PTPRC: variants seen among roughly 807,000 people sequenced by gnomAD.
The protein encoded by PTPRC is protein tyrosine phosphatase receptor type C.
A neutral mutation model predicts 155.9 loss-of-function variants in PTPRC; 44 were observed. The observed-to-expected ratio is 0.28, with a 90% CI of 0.22 to 0.36. PTPRC has a LOEUF of 0.36. PTPRC is among the 10% of genes least tolerant of loss of function. PTPRC has a pLI of 1.00. For synonymous variants in PTPRC, 525 were observed against 533.1 expected (o/e 0.98, Z 0.21); for missense variants, 1,401 against 1,564.6 (o/e 0.90, Z 1.76).
intron 3 of PTPRC, chr1:198,695,147 T>C: frequency 3.4e-6 from 3 of 886,754 alleles, no homozygotes; most frequent in Non-Finnish European, 4.1e-6. Context: ...TTGATACTAA[T>C]GAATAAAGCT....
In PTPRC at chr1:198,718,111, A is replaced by C; in HGVS notation, c.1468A>C (p.Asn490His). ...TKSAPPSQVW[N>H]MTVSMTSDNS... Reference sequence around the variant, plus strand: ...TTTGATAGCTCCAAGCCAGGTCTGGAACATGACTGTCTCCATGACATCAGA... The same window carrying C: ...TTTGATAGCTCCAAGCCAGGTCTGGCACATGACTGTCTCCATGACATCAGA... The change falls in exon 14 of 33, where the codon AAC becomes CAC. Residue 490 changes from asparagine to histidine, a missense_variant. Transcript: ENST00000442510. 6.2e-7 allele frequency: 1 copy of C among 1,613,416 alleles called. No individual in the cohort carries two copies. The highest frequency in any genetic ancestry group is 8.5e-7 in the Non-Finnish European group (1 of 1,179,306).
At chr1:198,682,010 T>C (rs1373921317) in intron 2 of PTPRC, among the ~76,000 whole-genome samples, 1 of 152,204 alleles carries the variant, frequency 6.6e-6, no homozygotes, top group Non-Finnish European at 1.5e-5. Flanking sequence ...CCGCATGAGC[T>C]GCGCCTCTTC....
In PTPRC at chr1:198,703,501, G is replaced by C. The variant is rs1666565717; in HGVS notation, c.658+129G>C. 3.5e-6 allele frequency: 5 copies of C among 1,439,122 alleles called. No individual in the cohort carries two copies. In the Admixed American group the frequency reaches 8.8e-5, roughly 25 times the overall value. 89.1% of individuals were successfully genotyped at this position (1,439,122 alleles called of 1,614,324 possible). On this transcript the variant is annotated intron_variant, in intron 7 of 32. Coordinates refer to ENST00000442510, the MANE Select transcript of PTPRC (RefSeq NM_002838.5). ...TTGCATTAAGTGTTTGAATCCTGAG[G>C]GTGATGGAACAGCAGGAAGATATTT...
At chr1:198,729,469 C>T (rs927146826) in intron 17 of PTPRC, among the ~76,000 whole-genome samples, 1 of 152,152 alleles carries the variant, frequency 6.6e-6, no homozygotes, top group Admixed American at 6.5e-5. Context: ...TCTTGAACTG[C>T]TGGTCTCAAG....
intron 28 of PTPRC, chr1:198,750,289 A>G (rs972046793): frequency 1.7e-6 from 1 of 600,416 alleles, no homozygotes; most frequent in African/African-American, 1.9e-5. Flanking sequence ...TTGATTTCAC[A>G]TTATTAGCTA....
chr1:198,700,386 T>C (rs1666406370), intron 5 of PTPRC, among the ~76,000 whole-genome samples: 1 of 152,222 alleles, frequency 6.6e-6, no homozygotes, highest in South Asian at 2.1e-4. Context: ...AAGTTAAAGA[T>C]ATAAATGGTA....
At chr1:198,717,924 A>G (rs1241075353) in intron 13 of PTPRC, among the ~76,000 whole-genome samples, 170 bp from the exon 14 acceptor site, 1 of 152,188 alleles carries the variant, frequency 6.6e-6, no homozygotes, top group African/African-American at 2.4e-5. Flanking sequence ...TGAGTGATTT[A>G]TTCTTCAGGG....
At chr1:198,677,299 GT>G (rs1296262148) in intron 2 of PTPRC, among the ~76,000 whole-genome samples, 1 of 152,148 alleles carries the variant, frequency 6.6e-6, no homozygotes, top group Non-Finnish European at 1.5e-5. Context: ...TGGGGATAAT[GT>G]TAAAACTTCT....
chr1:198,709,557 T>C, intron 10 of PTPRC, 130 bp from the exon 11 acceptor site: 1 of 804,478 alleles, frequency 1.2e-6, no homozygotes, highest in East Asian at 3.6e-5. Context: ...TTTTTATTAT[T>C]TTGGTAATTT....
chr1:198,729,545 A>C (rs902777288), intron 17 of PTPRC, among the ~76,000 whole-genome samples: 1 of 152,102 alleles, frequency 6.6e-6, no homozygotes, highest in Admixed American at 6.6e-5. Flanking sequence ...GCCCGTCCCC[A>C]TTCATTTTAA....
In PTPRC at chr1:198,718,136, A is replaced by T; in HGVS notation, c.1493A>T (p.Asp498Val). The change falls in exon 14 of 33, where the codon GAT (aspartate) becomes GTT (valine). Residue 498 changes from aspartate (D) to valine (V), a missense_variant. Coordinates refer to ENST00000442510, the MANE Select transcript of PTPRC (RefSeq NM_002838.5). ...AACATGACTGTCTCCATGACATCAG[A>T]TAATAGTATGCATGTCAAGTGTAGG... ...VWNMTVSMTS[D>V]NSMHVKCRPP... is the part of the protein sequence containing the mutation. 6.2e-7 allele frequency: 1 copy of T among 1,613,840 alleles called. No individual in the cohort carries two copies. The highest frequency in any genetic ancestry group is 8.5e-7 in the Non-Finnish European group (1 of 1,179,732).
chr1:198,706,366 T>C (rs1029104513), intron 8 of PTPRC, among the ~76,000 whole-genome samples: 1 of 152,226 alleles, frequency 6.6e-6, no homozygotes, highest in Admixed American at 6.5e-5. Context: ...AAATGCATCA[T>C]TTATTTGTGC....
chr1:198,734,262 T>C, intron 21 of PTPRC, 30 bp downstream of exon 21: 2 of 1,610,230 alleles, frequency 1.2e-6, no homozygotes, highest in South Asian at 1.1e-5. Flanking sequence ...AATATTCTTT[T>C]TGAAAAATTT....
At chr1:198,754,227 GT>G (rs1244201290) in intron 31 of PTPRC, 41 bp from the exon 32 acceptor site, 8 of 1,568,796 alleles carry the variant, frequency 5.1e-6, no homozygotes, top group Non-Finnish European at 7.0e-6. Flanking sequence ...ACCCTTTTTG[GT>G]GAGAAGTAGG....
chr1:198,735,103 A>T, intron 22 of PTPRC, 24 bp from the exon 23 acceptor site: 1 of 1,545,072 alleles, frequency 6.5e-7, no homozygotes, highest in South Asian at 1.2e-5. Context: ...AAATTAAAAT[A>T]CTTAATAATT....
At chr1:198,733,356 T>C (rs1290773047) in intron 20 of PTPRC, among the ~76,000 whole-genome samples, 1 of 151,786 alleles carries the variant, frequency 6.6e-6, no homozygotes, top group East Asian at 1.9e-4. Flanking sequence ...AGCATGTGTC[T>C]TCTGCTTTTA....
chr1:198,690,835 G>A (rs1004352950), intron 2 of PTPRC, among the ~76,000 whole-genome samples: 1 of 152,094 alleles, frequency 6.6e-6, no homozygotes, highest in African/African-American at 2.4e-5. Flanking sequence ...TTACTAAGAT[G>A]AGGGATGAAA....
At chr1:198,692,776 T>A in intron 3 of PTPRC, 3 of 916,926 alleles carry the variant, frequency 3.3e-6, no homozygotes, top group Non-Finnish European at 1.3e-6. Flanking sequence ...TTTGCATATG[T>A]CTATATTTCT....
rs1653383090 is a variant in PTPRC at position 198,712,869 on chromosome 1, T to TATTTTGA, written c.1172-84_1172-83insATTTTGA. The TATTTTGA allele has an allele frequency of 5.5e-5, 75 of 1,360,398 alleles. No homozygotes were observed. In the East Asian group the frequency reaches 1.7e-3, roughly 31 times the overall value. 84.3% of individuals were successfully genotyped at this position (1,360,398 alleles called of 1,614,324 possible). On this transcript the variant is annotated intron_variant, in intron 11 of 32. Transcript: ENST00000442510. ...TTCATCATTTGTCAAAATATGGTTA[T>TATTTTGA]CAATAATGCATGCTTATAATATGAA...
Sources: allele counts gnomAD v4.1 joint callset (sites outside exome capture counted in the v4.1 genomes callset), GRCh38; gene constraint gnomAD v4.1.1; transcripts MANE v1.5; gene names NCBI Gene and HGNC (gene_info 2026-07-23, HGNC 2026-07-21).